Variants in TMC5 observed in about 807,000 individuals in gnomAD.
The protein encoded by TMC5 is transmembrane channel like 5.
Under a neutral mutation model 110.5 loss-of-function variants are expected in TMC5, and 86 were observed. The ratio of observed to expected loss-of-function variants is 0.78; its 90% confidence interval spans 0.65 to 0.93. The LOEUF (loss-of-function observed/expected upper bound fraction) is 0.93, where lower values mean the gene tolerates loss of function less well. TMC5 is among the 40% of genes least tolerant of loss of function. The probability of loss-of-function intolerance (pLI) is 0.00; values close to 1 mark genes in which losing one functional copy is unlikely to be tolerated. For synonymous variants in TMC5, 455 were observed against 439.5 expected, an observed-to-expected ratio of 1.04 and a Z score of -0.44; for missense variants, 1,144 against 1,222.8, an observed-to-expected ratio of 0.94 and a Z score of 0.96.
intron 17 of TMC5, 75 bp downstream of exon 17, chr16:19,487,401 T>C (rs1438852900): frequency 5.2e-6 from 8 of 1,535,850 alleles, no homozygotes; most frequent in Non-Finnish European, 7.0e-6. Flanking sequence ...TAGGTTTTAT[T>C]ATAATTCAGG....
chr16:19,463,491 G>A, intron 7 of TMC5, 124 bp downstream of exon 7: 1 of 920,112 alleles, frequency 1.1e-6, no homozygotes. Flanking sequence ...AGAGCCAACG[G>A]TTAGTACAGG....
chr16:19,421,292 A>G (rs756841346), intron 1 of TMC5, among the ~76,000 whole-genome samples: 16 of 152,074 alleles, frequency 1.1e-4, no homozygotes, highest in Non-Finnish European at 2.2e-4. Flanking sequence ...CCCAAATCTC[A>G]TCTTGAATTA....
At chr16:19,454,144 T>TCAGCC (rs1967813189) in intron 5 of TMC5, among the ~76,000 whole-genome samples, 1 of 151,858 alleles carries the variant, frequency 6.6e-6, no homozygotes, top group East Asian at 1.9e-4. Flanking sequence ...ACCTCCTGAG[T>TCAGCC]TCAAGCAATT....
intron 15 of TMC5, among the ~76,000 whole-genome samples, chr16:19,486,221 C>T (rs549857745): frequency 2.8e-4 from 43 of 152,212 alleles, no homozygotes; most frequent in African/African-American, 1.0e-3. Context: ...GTTCTGGAGG[C>T]CAGAAGGCCA....
At chr16:19,437,670 C>T (rs916783036) in intron 2 of TMC5, among the ~76,000 whole-genome samples, 1 of 152,222 alleles carries the variant, frequency 6.6e-6, no homozygotes, top group Non-Finnish European at 1.5e-5. Flanking sequence ...TCTCATCATG[C>T]TGGCTTGAAA....
In TMC5 at chr16:19,492,352, A is replaced by G. The variant is rs1434133116; in HGVS notation, c.2826+124A>G. ...ATCCCTGCTCTCAGCCCTAACAACC[A>G]TCAATGTTTTTATATTCTTATTTCA... is the stretch of plus-strand genomic sequence containing the variant. On this transcript the variant is annotated intron_variant, in intron 19 of 21. Coordinates refer to ENST00000542583, the MANE Select transcript of TMC5 (RefSeq NM_001261841.2). 3 of 509,692 alleles carry G rather than the reference A, an allele frequency of 5.9e-6. No homozygotes were observed. The Admixed American group carries it at 1.1e-4, about 18-fold the overall frequency. The allele number at this position is 509,692 out of a possible 1,614,324, so 31.6% of individuals were successfully genotyped here.
intron 1 of TMC5, among the ~76,000 whole-genome samples, chr16:19,418,716 G>A (rs1966911663): frequency 7.3e-6 from 1 of 137,900 alleles, no homozygotes; most frequent in Non-Finnish European, 1.5e-5. Flanking sequence ...CCTCTGATAA[G>A]TGATTTTTGT....
rs924320116 is a variant in TMC5 at position 19,498,156 on chromosome 16, A to C, written c.*190A>C. Reference sequence around the variant, plus strand: ...ATTCCATGCTATTTTTAATACCTGGATTGCTGATTTTTCAAGACAAAATAC... The same window carrying C: ...ATTCCATGCTATTTTTAATACCTGGCTTGCTGATTTTTCAAGACAAAATAC... On this transcript the variant is annotated 3_prime_UTR_variant, in exon 22 of 22. Transcript: ENST00000542583. The C allele has an allele frequency of 6.8e-6, 4 of 588,274 alleles. No homozygotes were observed. In the African/African-American group the frequency reaches 7.6e-5, roughly 11 times the overall value. 36.4% of individuals were successfully genotyped at this position (588,274 alleles called of 1,614,324 possible). A position where few individuals can be genotyped will look rare whatever the true frequency, so the allele number is the denominator to read the frequency against.
intron 19 of TMC5, among the ~76,000 whole-genome samples, chr16:19,493,568 C>T (rs1268243013): frequency 6.6e-6 from 1 of 151,668 alleles, no homozygotes. Flanking sequence ...TCAAGTGATT[C>T]TCCTGCCTCA....
chr16:19,483,527 C>T (rs758023926), intron 15 of TMC5, among the ~76,000 whole-genome samples: 31 of 152,078 alleles, frequency 2.0e-4, no homozygotes, highest in Non-Finnish European at 4.1e-4. Context: ...GCCTATAATC[C>T]CAGCACTTTG....
chr16:19,413,539 A>C (rs1966863027), upstream of TMC5, among the ~76,000 whole-genome samples: 1 of 87,392 alleles, frequency 1.1e-5, no homozygotes, highest in African/African-American at 8.0e-5. Flanking sequence ...AAAAAAAAAA[A>C]AAAAAAAAAA....
chr16:19,421,216 C>G (rs1215063225), intron 1 of TMC5, among the ~76,000 whole-genome samples: 1 of 151,982 alleles, frequency 6.6e-6, no homozygotes, highest in East Asian at 1.9e-4. Context: ...GTTTTTTGCA[C>G]TTATTTTTAT....
At chr16:19,454,218 T>C (rs1327220934) in intron 5 of TMC5, among the ~76,000 whole-genome samples, 1 of 152,104 alleles carries the variant, frequency 6.6e-6, no homozygotes, top group Non-Finnish European at 1.5e-5. Flanking sequence ...TGGATAATTT[T>C]TGTATTTTCA....
chr16:19,495,377 C>G (rs1969027211), intron 20 of TMC5, among the ~76,000 whole-genome samples: 1 of 152,020 alleles, frequency 6.6e-6, no homozygotes, highest in Non-Finnish European at 1.5e-5. Flanking sequence ...CTGTATCTAC[C>G]AACACTTTAA....
intron 12 of TMC5, among the ~76,000 whole-genome samples, chr16:19,476,122 A>G (rs1473786802): frequency 6.6e-6 from 1 of 151,998 alleles, no homozygotes; most frequent in Non-Finnish European, 1.5e-5. Flanking sequence ...CCAAGGTGGG[A>G]GGATTGCTTG....
chr16:19,464,235 G>A (rs562160353), intron 8 of TMC5, among the ~76,000 whole-genome samples: 2 of 152,256 alleles, frequency 1.3e-5, no homozygotes, highest in African/African-American at 4.8e-5. Flanking sequence ...GACCAGCCTG[G>A]GCAACATGGC....
chr16:19,490,982 T>C (rs1968889424), intron 18 of TMC5, among the ~76,000 whole-genome samples: 1 of 4,104 alleles, frequency 2.4e-4, no homozygotes, highest in Non-Finnish European at 4.3e-4. Context: ...TCCCTTCCCC[T>C]TCTCCTTCCT....
chr16:19,491,342 C>T (rs1256559672), intron 18 of TMC5, among the ~76,000 whole-genome samples: 1 of 151,918 alleles, frequency 6.6e-6, no homozygotes, highest in Non-Finnish European at 1.5e-5. Flanking sequence ...GTTACTTAGC[C>T]TGGTGCAGTG....
chr16:19,434,054 AATATAAATCTATATATATTATATATAAT>A (rs1567300214), intron 2 of TMC5, among the ~76,000 whole-genome samples: 61 of 6,358 alleles, frequency 9.6e-3, no homozygotes, highest in Non-Finnish European at 0.014. Context: ...TAATATATAT[AATATAAATCTATATATATTATATATAAT>A]ATATATATAT....
Sources: allele counts gnomAD v4.1 joint callset (sites outside exome capture counted in the v4.1 genomes callset), GRCh38; gene constraint gnomAD v4.1.1; transcripts MANE v1.5; gene names NCBI Gene and HGNC (gene_info 2026-07-23, HGNC 2026-07-21).